Variants in PLD5 observed in about 807,000 individuals in gnomAD.
PLD5 encodes the protein inactive phospholipase D5.
Under a neutral mutation model 61.1 loss-of-function variants are expected in PLD5, and 36 were observed. The observed-to-expected ratio is 0.59, with a 90% CI of 0.45 to 0.78. PLD5 has a LOEUF of 0.78. Ranked by LOEUF, PLD5 falls within the 30% of genes least tolerant of loss-of-function variation. The pLI is 0.00. For missense variants in PLD5, 515 were observed against 644.4 expected, an observed-to-expected ratio of 0.80 and a Z score of 2.17; for synonymous variants, 243 against 242.8, an observed-to-expected ratio of 1.00 and a Z score of -0.01.
At chr1:242,401,000 A>T (rs1663899299) in intron 1 of PLD5, among the ~76,000 whole-genome samples, 1 of 152,178 alleles carries the variant, frequency 6.6e-6, no homozygotes, top group Non-Finnish European at 1.5e-5. Context: ...GGACTGTTCT[A>T]ACTGCCCACT....
At chr1:242,411,321 C>T (rs2342267) in intron 1 of PLD5, among the ~76,000 whole-genome samples, 60,832 of 151,998 alleles carry the variant, frequency 0.4, 12,691 homozygotes, top group African/African-American at 0.52. Flanking sequence ...CTGCAAGCTC[C>T]GCCTCCCGGG....
chr1:242,513,840 A>G (rs1669014605), intron 1 of PLD5, among the ~76,000 whole-genome samples: 1 of 152,218 alleles, frequency 6.6e-6, no homozygotes. Flanking sequence ...CGTGGCACTC[A>G]ATAAACGTTT....
rs1558343947 is a variant in PLD5 at position 242,207,826 on chromosome 1, ATATATATTTATATATTTATATATATT to A, written c.735+12136_735+12161del. Among the ~76,000 whole-genome samples, 16 of 46,762 alleles carry A rather than the reference ATATATATTTATATATTTATATATATT, an allele frequency of 3.4e-4. 5 individuals are homozygous for A. The highest frequency in any genetic ancestry group is 5.1e-4 in the Non-Finnish European group (15 of 29,524). The allele number at this position is 46,762 out of a possible 152,430, so 30.7% of individuals were successfully genotyped here. On this transcript the variant is annotated intron_variant, in intron 5 of 9. Transcript: ENST00000536534. Reference sequence around the variant, plus strand: ...TATATATATTTATATTTATATATTTATATATATTTATATATTTATATATATTTATATATTTATATATTTATATATAT... The same window carrying A: ...TATATATATTTATATTTATATATTTATATATATTTATATATTTATATATAT...
intron 1 of PLD5, among the ~76,000 whole-genome samples, chr1:242,410,577 T>C (rs890208092): frequency 3.9e-5 from 6 of 152,262 alleles, no homozygotes; most frequent in East Asian, 1.9e-4. Flanking sequence ...ATTTTTTTTT[T>C]CACCCAGGAA....
chr1:242,377,372 G>C, intron 1 of PLD5: 1 of 1,538,936 alleles, frequency 6.5e-7, no homozygotes, highest in East Asian at 2.2e-5. Flanking sequence ...AGGGAGACCT[G>C]AACTCCAAAA....
At chr1:242,288,675 C>T (rs1574671999) in intron 2 of PLD5, 145 bp from the exon 3 acceptor site, 9 of 1,413,272 alleles carry the variant, frequency 6.4e-6, no homozygotes, top group East Asian at 2.6e-5. Context: ...CATATTTTTT[C>T]CACAAAAGTC....
At chr1:242,468,908 T>C (rs536540240) in intron 1 of PLD5, among the ~76,000 whole-genome samples, 14 of 152,162 alleles carry the variant, frequency 9.2e-5, no homozygotes, top group African/African-American at 2.6e-4. Context: ...CTATTTCTTA[T>C]CCCCTTTACT....
intron 1 of PLD5, among the ~76,000 whole-genome samples, chr1:242,373,628 G>A (rs558481755): frequency 2.1e-4 from 32 of 152,204 alleles, no homozygotes; most frequent in Non-Finnish European, 3.8e-4. Context: ...CCATAAAAAA[G>A]GATGAGTTCG....
In PLD5 at chr1:242,089,887, G is replaced by A. The variant is rs369388309; in HGVS notation, c.1578C>T (p.Asp526=). The change falls in exon 10 of 10, where the codon GAC becomes GAT. Residue 526 remains aspartate, a synonymous_variant. Transcript: ENST00000536534. ...TCCGGGGATCCTTTCCGCCTGTGTC[G>A]TCTGTGGCAGTTTTGTTGGAGAGGG... ...LKPLSNKTAT[D]DTGGKDPRNV is the part of the protein sequence containing the mutation. The A allele has an allele frequency of 3.2e-5, 51 of 1,613,980 alleles. No homozygotes were observed. The African/African-American group carries it at 3.5e-4, about 11-fold the overall frequency.
chr1:242,347,388 A>G (rs1207529236), intron 2 of PLD5, among the ~76,000 whole-genome samples: 1 of 152,198 alleles, frequency 6.6e-6, no homozygotes, highest in East Asian at 1.9e-4. Context: ...CAATACATAT[A>G]TAAAAATAGA....
chr1:242,449,413 T>C, intron 1 of PLD5: 1 of 1,536,106 alleles, frequency 6.5e-7, no homozygotes, highest in Non-Finnish European at 8.7e-7. Flanking sequence ...CTGTCGCTGA[T>C]GTGCTGCTTC....
At chr1:242,485,304 TC>T (rs1667920932) in intron 1 of PLD5, among the ~76,000 whole-genome samples, 1 of 152,094 alleles carries the variant, frequency 6.6e-6, no homozygotes, top group Admixed American at 6.6e-5. Flanking sequence ...GCCGATGACT[TC>T]TAGAAAACCC....
At chr1:242,181,827 G>A (rs549672557) in intron 5 of PLD5, among the ~76,000 whole-genome samples, 1 of 152,204 alleles carries the variant, frequency 6.6e-6, no homozygotes, top group African/African-American at 2.4e-5. Context: ...ATTTTTAGTA[G>A]AGATGGGGTT....
intron 1 of PLD5, among the ~76,000 whole-genome samples, chr1:242,503,275 G>A (rs915976391): frequency 3.3e-5 from 5 of 152,044 alleles, no homozygotes; most frequent in African/African-American, 7.2e-5. Context: ...GAGATCACGC[G>A]AGATCTGGTT....
intron 2 of PLD5, among the ~76,000 whole-genome samples, chr1:242,339,156 A>G (rs1342484922): frequency 2.0e-5 from 3 of 152,184 alleles, no homozygotes; most frequent in African/African-American, 7.2e-5. Flanking sequence ...TATTATCTCA[A>G]TGAACACTAT....
At chr1:242,396,578 C>T (rs1380483792) in intron 1 of PLD5, among the ~76,000 whole-genome samples, 1 of 152,132 alleles carries the variant, frequency 6.6e-6, no homozygotes, top group Non-Finnish European at 1.5e-5. Flanking sequence ...CCAATCCTCA[C>T]CTTACTTGAC....
intron 1 of PLD5, among the ~76,000 whole-genome samples, chr1:242,398,835 A>G (rs1243693946): frequency 6.6e-6 from 1 of 152,238 alleles, no homozygotes; most frequent in Non-Finnish European, 1.5e-5. Context: ...ATTTTTGTAG[A>G]CATGGCATGT....
At chr1:242,288,726 G>A (rs1675176915) in intron 2 of PLD5, among the ~76,000 whole-genome samples, 196 bp from the exon 3 acceptor site, 1 of 152,134 alleles carries the variant, frequency 6.6e-6, no homozygotes, top group Admixed American at 6.6e-5. Flanking sequence ...TGTTCTGAGA[G>A]TTTATGCTCT....
chr1:242,176,166 T>G (rs529260790), intron 5 of PLD5, among the ~76,000 whole-genome samples: 2 of 152,248 alleles, frequency 1.3e-5, no homozygotes, highest in African/African-American at 4.8e-5. Context: ...GGAGGCATCA[T>G]GCTACCTGAC....
Sources: gnomAD v4.1 joint callset for allele counts (sites outside exome capture counted in the v4.1 genomes callset) on GRCh38, gnomAD v4.1.1 for gene constraint, MANE v1.5 for transcripts, NCBI Gene and HGNC (gene_info 2026-07-23, HGNC 2026-07-21) for gene names.